PCDHGA10: variants seen among roughly 807,000 people sequenced by gnomAD.
PCDHGA10 encodes the protein protocadherin gamma-A10.
A neutral mutation model predicts 59.5 loss-of-function variants in PCDHGA10; 42 were observed. The observed-to-expected ratio is 0.71, with a 90% CI of 0.55 to 0.91. PCDHGA10 has a LOEUF of 0.91. Among genes scored for constraint, PCDHGA10 ranks in the 40% least tolerant of loss-of-function variants. PCDHGA10 has a pLI of 0.00. For missense variants in PCDHGA10, 1,111 were observed against 1,198.2 expected, an observed-to-expected ratio of 0.93 and a Z score of 1.07; for synonymous variants, 511 against 517.2, an observed-to-expected ratio of 0.99 and a Z score of 0.16.
rs73280340 is a variant in PCDHGA10, at chr5:141,473,067, G to A, written c.2437-21740G>A. On this transcript the variant is annotated intron_variant, in intron 1 of 3. Transcript: ENST00000398610. ...GAAAGAAGTGATACAACAAGTTACA[G>A]CATCTTTGTTTATTATCCACTGTGA... Among the ~76,000 whole-genome samples the A allele has an allele frequency of 5.6e-3, 854 of 152,054 alleles. 5 individuals are homozygous for A. The highest frequency in any genetic ancestry group is 0.019 in the African/African-American group (798 of 41,456).
intron 1 of PCDHGA10, 157 bp from the exon 2 acceptor site, chr5:141,494,650 T>G (rs1366776271): frequency 1.0e-6 from 1 of 960,138 alleles, no homozygotes; most frequent in East Asian, 1.1e-4. Context: ...CTGAGGTGTA[T>G]TTTGTCTTTG....
chr5:141,446,692 G>T (rs543476108), intron 1 of PCDHGA10, among the ~76,000 whole-genome samples: 2 of 152,280 alleles, frequency 1.3e-5, no homozygotes, highest in African/African-American at 4.8e-5. Context: ...TGGCCAGGCT[G>T]GTCTCGAACT....
At chr5:141,451,484 G>A (rs2098717067) in intron 1 of PCDHGA10, among the ~76,000 whole-genome samples, 1 of 152,194 alleles carries the variant, frequency 6.6e-6, no homozygotes, top group Admixed American at 6.5e-5. Flanking sequence ...CTTGCCATGT[G>A]GACCTCCATA....
At chr5:141,422,636 C>T in intron 1 of PCDHGA10, 3 of 1,612,584 alleles carry the variant, frequency 1.9e-6, no homozygotes, top group Non-Finnish European at 2.5e-6. Context: ...CCCAGGGGTG[C>T]CTCCATCTTC....
In PCDHGA10 at chr5:141,415,266, G is replaced by T; in HGVS notation, c.2091G>T (p.Leu697=). ...AAACCTCAGACCTCACTCTGTACCTGGTGGTAGCGGTGGCCGCGGTCTCCT... is the reference window on the plus strand; with the variant it reads ...AAACCTCAGACCTCACTCTGTACCTTGTGGTAGCGGTGGCCGCGGTCTCCT... The part of the protein sequence containing the change: ...NSETSDLTLY[L]VVAVAAVSCV... The change falls in exon 1 of 4, where the codon CTG becomes CTT. Residue 697 remains leucine (L), a synonymous_variant. Coordinates refer to ENST00000398610, the MANE Select transcript of PCDHGA10 (RefSeq NM_018913.3). 1 of 1,614,218 alleles carries T rather than the reference G, an allele frequency of 6.2e-7. No individual in the cohort carries two copies. Among genetic ancestry groups the T allele is most frequent in the Non-Finnish European group, 8.5e-7 (1 of 1,180,034 alleles).
intron 1 of PCDHGA10, among the ~76,000 whole-genome samples, chr5:141,447,165 G>T (rs1192617600): frequency 6.6e-6 from 1 of 151,842 alleles, no homozygotes; most frequent in African/African-American, 2.4e-5. Flanking sequence ...TTTAAGCGGG[G>T]TCTTGCTCTT....
At chr5:141,421,616 AC>A in intron 1 of PCDHGA10, 1 of 1,613,792 alleles carries the variant, frequency 6.2e-7, no homozygotes, top group Non-Finnish European at 8.5e-7. Context: ...ATTAATGATA[AC>A]GCCCCCAGCT....
intron 1 of PCDHGA10, among the ~76,000 whole-genome samples, chr5:141,455,243 A>G (rs945218710): frequency 1.3e-5 from 2 of 152,146 alleles, no homozygotes; most frequent in Non-Finnish European, 2.9e-5. Flanking sequence ...GTTAAAGGTC[A>G]TAGTACAATC....
At chr5:141,461,740 G>T (rs770518286) in intron 1 of PCDHGA10, among the ~76,000 whole-genome samples, 1 of 152,072 alleles carries the variant, frequency 6.6e-6, no homozygotes, top group African/African-American at 2.4e-5. Context: ...GCACAATCCC[G>T]GCTCCCAGAT....
At chr5:141,462,786 T>G (rs1394476968) in intron 1 of PCDHGA10, among the ~76,000 whole-genome samples, 1 of 152,216 alleles carries the variant, frequency 6.6e-6, no homozygotes, top group Admixed American at 6.5e-5. Flanking sequence ...AATTTGTTGC[T>G]TATTTGCATG....
intron 1 of PCDHGA10, among the ~76,000 whole-genome samples, chr5:141,492,920 G>A (rs2099745093): frequency 6.6e-6 from 1 of 152,198 alleles, no homozygotes; most frequent in African/African-American, 2.4e-5. Context: ...TGTGCCCAGC[G>A]ATCTAGGGTC....
chr5:141,431,506 G>T lies in PCDHGA10; in HGVS notation c.2436+15895G>T. 1.2e-6 allele frequency: 2 copies of T among 1,613,988 alleles called. No homozygotes were observed. Among genetic ancestry groups the T allele is most frequent in the South Asian group, 2.2e-5 (2 of 91,084 alleles). The stretch of plus-strand genomic sequence containing the variant: ...CGTTTGCTCAGCCCGAGTACCGCGC[G>T]AGCGTTCCGGAGAATCTGGCCTTGG... On this transcript the variant is annotated intron_variant, in intron 1 of 3. Coordinates refer to ENST00000398610, the MANE Select transcript of PCDHGA10 (RefSeq NM_018913.3). This position sits in a 1 kb window ranked among gnomAD's most constrained non-coding sequence, Gnocchi z 4.8.
Position 141,491,508 on chromosome 5 carries a change from G to A in PCDHGA10, c.2437-3299G>A. The A allele has an allele frequency of 6.2e-7, 1 of 1,614,030 alleles. No individual in the cohort carries two copies. The highest frequency in any genetic ancestry group is 8.5e-7 in the Non-Finnish European group (1 of 1,180,014). The stretch of plus-strand genomic sequence containing the variant: ...ACCTGCAGGTGAGCTCGGACGGCAC[G>A]CTCAAGTACATGGAGGTGACGCTGC... On this transcript the variant is annotated intron_variant, in intron 1 of 3. Transcript: ENST00000398610. This position sits in a 1 kb window ranked among gnomAD's most constrained non-coding sequence, Gnocchi z 6.9.
chr5:141,499,037 G>A (rs912832519), intron 2 of PCDHGA10, among the ~76,000 whole-genome samples: 1 of 150,904 alleles, frequency 6.6e-6, no homozygotes, highest in South Asian at 2.1e-4. Context: ...AGAAAAGAAA[G>A]AAAAAGGGAG....
chr5:141,490,945 C>T lies in PCDHGA10; in HGVS notation c.2437-3862C>T, dbSNP rs2099706308. On this transcript the variant is annotated intron_variant, in intron 1 of 3. Transcript: ENST00000398610. This position sits in a 1 kb window ranked among gnomAD's most constrained non-coding sequence, Gnocchi z 5.4. ...TGCCCCAGCTGTGCTGCACCCACGG[C>T]CAGACTGGGAACACTCAGCCCCCCA... The T allele has an allele frequency of 6.2e-7, 1 of 1,613,434 alleles. No homozygotes were observed. Among genetic ancestry groups the T allele is most frequent in the South Asian group, 1.1e-5 (1 of 91,010 alleles).
chr5:141,449,067 T>A lies in PCDHGA10; in HGVS notation c.2436+33456T>A, dbSNP rs547833131. On this transcript the variant is annotated intron_variant, in intron 1 of 3. Transcript: ENST00000398610. ...AGTCTCATAAATGAGCGCTATTGAA[T>A]AGCCCTGTACCTACATCAGTTTTTA... Among the ~76,000 whole-genome samples the A allele has an allele frequency of 3.3e-5, 5 of 152,342 alleles. No homozygotes were observed. In the East Asian group the frequency reaches 9.6e-4, roughly 29 times the overall value.
intron 1 of PCDHGA10, among the ~76,000 whole-genome samples, chr5:141,447,644 G>A (rs1212910845): frequency 1.3e-5 from 2 of 152,146 alleles, no homozygotes; most frequent in Admixed American, 1.3e-4. Context: ...AATGATGGTA[G>A]AATTTTCCCC....
chr5:141,418,247 G>A, intron 1 of PCDHGA10: 1 of 1,614,032 alleles, frequency 6.2e-7, no homozygotes, highest in Non-Finnish European at 8.5e-7. Context: ...TAATGACCAC[G>A]CCCCTCAATT....
chr5:141,457,336 C>T (rs1032184011), intron 1 of PCDHGA10, among the ~76,000 whole-genome samples: 6 of 152,158 alleles, frequency 3.9e-5, no homozygotes, highest in Admixed American at 3.3e-4. Context: ...AGGTACCTTA[C>T]TTACTTTCAT....
Sources: allele counts gnomAD v4.1 joint callset (sites outside exome capture counted in the v4.1 genomes callset), GRCh38; gene constraint gnomAD v4.1.1; non-coding constraint Gnocchi (gnomAD v3.1); transcripts MANE v1.5; gene names NCBI Gene and HGNC (gene_info 2026-07-23, HGNC 2026-07-21).